Variants in EXOC2 observed in about 807,000 individuals in gnomAD.
EXOC2 encodes the protein exocyst complex component 2.
In EXOC2, 70 loss-of-function variants were observed where a neutral mutation model predicts 131.8. The ratio of observed to expected loss-of-function variants is 0.53; its 90% CI spans 0.44 to 0.65. The LOEUF is 0.65. Among genes scored for constraint, EXOC2 ranks in the 30% least tolerant of loss-of-function variants. EXOC2 has a pLI of 0.00. For synonymous variants in EXOC2, 411 were observed against 398.4 expected (o/e 1.03, Z -0.38); for missense variants, 923 against 1,108.6 (o/e 0.83, Z 2.38).
intron 11 of EXOC2, among the ~76,000 whole-genome samples, chr6:579,242 T>C (rs1758751650): frequency 6.6e-6 from 1 of 152,234 alleles, no homozygotes; most frequent in Admixed American, 6.5e-5. Context: ...AATTGTTTAA[T>C]ATTAAACCAT....
In EXOC2 at chr6:491,160, C is replaced by A. The variant is rs528502008; in HGVS notation, c.2586G>T (p.Arg862Ser). The A allele has an allele frequency of 6.2e-7, 1 of 1,614,106 alleles. No homozygotes were observed. The highest frequency in any genetic ancestry group is 1.7e-5 in the Admixed American group (1 of 60,022). ...GTGTCAGGTAAACAGCCACAGTGTC[C>A]CTCAAAGCACAGATTTCAAGTCTCG... ...LQARLEICALRDTVAVYLTPE... is the reference protein window; with the variant it reads ...LQARLEICALSDTVAVYLTPE... The change falls in exon 26 of 28, where the codon AGG becomes AGT. Residue 862 changes from arginine to serine, a missense_variant. Coordinates refer to ENST00000230449, the MANE Select transcript of EXOC2 (RefSeq NM_018303.6).
At chr6:603,844 C>CGTA (rs1458143507) in intron 7 of EXOC2, among the ~76,000 whole-genome samples, 1 of 152,080 alleles carries the variant, frequency 6.6e-6, no homozygotes, top group Non-Finnish European at 1.5e-5. Context: ...TGTTTGCGAG[C>CGTA]GTAAGACCAA....
At chr6:579,945 A>T (rs577237183) in intron 11 of EXOC2, among the ~76,000 whole-genome samples, 1 of 152,192 alleles carries the variant, frequency 6.6e-6, no homozygotes, top group African/African-American at 2.4e-5. Context: ...AATATTTCAC[A>T]TATCAGTCTA....
intron 23 of EXOC2, chr6:524,090 T>A (rs1765622187): frequency 6.6e-6 from 1 of 152,218 alleles, no homozygotes; most frequent in Non-Finnish European, 1.5e-5. Flanking sequence ...ATGGATTTAT[T>A]TTTTTATTGA....
At chr6:611,157 C>A (rs1054389283) in intron 6 of EXOC2, among the ~76,000 whole-genome samples, 3 of 151,998 alleles carry the variant, frequency 2.0e-5, no homozygotes, top group African/African-American at 7.2e-5. Context: ...CGGAAAGGAA[C>A]TTCCTTCCCT....
At chr6:488,508 C>T (rs1383467033) in intron 27 of EXOC2, among the ~76,000 whole-genome samples, 3 of 151,942 alleles carry the variant, frequency 2.0e-5, no homozygotes, top group African/African-American at 7.3e-5. Flanking sequence ...TTTATTATGC[C>T]ATATGTGCAC....
In EXOC2 at chr6:506,652, C is replaced by A. The variant is rs1243334288; in HGVS notation, c.2381-6952G>T. Among the ~76,000 whole-genome samples, 1 of 151,826 alleles carries A rather than the reference C, an allele frequency of 6.6e-6. No individual in the cohort carries two copies. Among genetic ancestry groups the A allele is most frequent in the Non-Finnish European group, 1.5e-5 (1 of 67,996 alleles). Reference sequence around the variant, plus strand: ...TGATATTTGACAAAAAGTGTCCCCACCCACACAGTATCAACCTAGACTACT... The same window carrying A: ...TGATATTTGACAAAAAGTGTCCCCAACCACACAGTATCAACCTAGACTACT... On this transcript the variant is annotated intron_variant, in intron 23 of 27. Transcript: ENST00000230449. The surrounding 1 kb of genome is among the most constrained non-coding windows in gnomAD (Gnocchi z 4.4).
chr6:572,430 A>AC, intron 13 of EXOC2, 90 bp downstream of exon 13: 1 of 1,482,518 alleles, frequency 6.7e-7, no homozygotes, highest in South Asian at 1.4e-5. Context: ...TTGGGCCTCT[A>AC]CATTTTAAAA....
intron 23 of EXOC2, among the ~76,000 whole-genome samples, chr6:502,326 T>C (rs1417524383): frequency 6.6e-6 from 1 of 152,146 alleles, no homozygotes; most frequent in African/African-American, 2.4e-5. Flanking sequence ...GGTGCAAGGA[T>C]GACTGGAAAT....
intron 7 of EXOC2, among the ~76,000 whole-genome samples, chr6:599,601 T>G (rs778096695): frequency 1.5e-4 from 23 of 152,192 alleles, no homozygotes; most frequent in Non-Finnish European, 2.5e-4. Context: ...TGCATACACG[T>G]GTACATTAGC....
chr6:520,690 C>T (rs1269523511), intron 23 of EXOC2, among the ~76,000 whole-genome samples: 4 of 115,796 alleles, frequency 3.5e-5, no homozygotes, highest in South Asian at 3.3e-4. Flanking sequence ...CGAGCGCCGA[C>T]ACTCGCCGTC....
chr6:592,264 C>T (rs139614002), intron 11 of EXOC2, among the ~76,000 whole-genome samples: 2 of 152,062 alleles, frequency 1.3e-5, no homozygotes, highest in East Asian at 1.9e-4. Context: ...GTCCACCAAT[C>T]GCAAAAACAG....
rs34996425 is a variant in EXOC2 at position 553,390 on chromosome 6, AGTGTGTGTGTGT to A, written c.2121+452_2121+463del. ...GTATGCATACATCTGTTTGTGTATA[AGTGTGTGTGTGT>A]GTGTGTGTGTGTGTATCTATTTGAG... On this transcript the variant is annotated intron_variant, in intron 21 of 27. Coordinates refer to ENST00000230449, the MANE Select transcript of EXOC2 (RefSeq NM_018303.6). 2.7e-3 allele frequency among the ~76,000 whole-genome samples: 399 copies of A among 150,046 alleles called. 1 individual carries two copies. Among genetic ancestry groups the A allele is most frequent in the African/African-American group, 9.5e-3 (386 of 40,830 alleles).
At chr6:676,882 G>GCTTTCTCTGGAGACT (rs1387139495) in intron 1 of EXOC2, among the ~76,000 whole-genome samples, 4 of 133,466 alleles carry the variant, frequency 3.0e-5, no homozygotes, top group African/African-American at 8.2e-5. Flanking sequence ...GGAAAGGACA[G>GCTTTCTCTGGAGACT]GTTCCTCTGG....
At chr6:686,281 C>G (rs1764652921) in intron 1 of EXOC2, among the ~76,000 whole-genome samples, 2 of 152,134 alleles carry the variant, frequency 1.3e-5, no homozygotes, top group Non-Finnish European at 1.5e-5. Context: ...TCTTTTTATA[C>G]TTCTTTTCCT....
intron 23 of EXOC2, among the ~76,000 whole-genome samples, chr6:504,313 CTCCGTGTGCA>C (rs1764400820): frequency 1.3e-5 from 2 of 152,212 alleles, no homozygotes; most frequent in African/African-American, 4.8e-5. Flanking sequence ...CAGAGAGGGG[CTCCGTGTGCA>C]TCCGTTATGG....
chr6:571,755 G>T (rs1454875334), intron 13 of EXOC2, among the ~76,000 whole-genome samples: 1 of 152,144 alleles, frequency 6.6e-6, no homozygotes, highest in Non-Finnish European at 1.5e-5. Flanking sequence ...TGTAGAGTCG[G>T]TCTCCTGCAG....
chr6:672,130 C>CT (rs1763903821), intron 1 of EXOC2, among the ~76,000 whole-genome samples: 1 of 151,984 alleles, frequency 6.6e-6, no homozygotes, highest in African/African-American at 2.4e-5. Context: ...TTTCTTCCAC[C>CT]TTTTTTCTCT....
chr6:567,497 C>A lies in EXOC2; in HGVS notation c.1444-2568G>T, dbSNP rs536583480. On this transcript the variant is annotated intron_variant, in intron 13 of 27. Coordinates refer to ENST00000230449, the MANE Select transcript of EXOC2 (RefSeq NM_018303.6). ...ATAATTTAAAAAAATTATTTGAGTT[C>A]TGTCTCTAGAAGAGGAAAGGTCATG... Among the ~76,000 whole-genome samples the A allele has an allele frequency of 1.4e-4, 21 of 152,250 alleles. No individual in the cohort carries two copies. The South Asian group carries it at 1.7e-3, about 12-fold the overall frequency.
Sources: allele counts gnomAD v4.1 joint callset (sites outside exome capture counted in the v4.1 genomes callset), GRCh38; gene constraint gnomAD v4.1.1; non-coding constraint Gnocchi (gnomAD v3.1); transcripts MANE v1.5; gene names NCBI Gene and HGNC (gene_info 2026-07-23, HGNC 2026-07-21).